The following FBXO32 variants were observed in gnomAD, a reference collection of about 807,000 sequenced individuals.
FBXO32 encodes F-box protein 32, also known as F-box only protein 32.
Under a neutral mutation model 48.3 loss-of-function variants are expected in FBXO32, and 15 were observed. That is an observed-to-expected ratio of 0.31 (90% CI 0.21 to 0.48). FBXO32 has a LOEUF of 0.48. FBXO32 is among the 20% of genes least tolerant of loss of function. The probability of loss-of-function intolerance (pLI) is 0.99; values close to 1 mark genes in which losing one functional copy is unlikely to be tolerated. For synonymous variants in FBXO32, 154 were observed against 165.9 expected (o/e 0.93, Z 0.55); for missense variants, 309 against 432.7 (o/e 0.71, Z 2.54).
intron 4 of FBXO32, among the ~76,000 whole-genome samples, chr8:123,528,841 T>C (rs146493475): frequency 6.6e-6 from 1 of 152,312 alleles, no homozygotes; most frequent in East Asian, 1.9e-4. Context: ...TTTTTTTTGT[T>C]TTTGTTTTTT....
chr8:123,500,227 G>C lies in FBXO32; in HGVS notation c.*3146C>G, dbSNP rs893280189. On this transcript the variant is annotated 3_prime_UTR_variant, in exon 9 of 9. Transcript: ENST00000517956. ...CCCAAATGCAAGGGTTTACTCTCAA[G>C]AGACTCTAGGCTCACTGCCCATAAA... 4 of 152,076 alleles carry C rather than the reference G, an allele frequency of 2.6e-5. No homozygotes were observed. The highest frequency in any genetic ancestry group is 1.3e-4 in the Admixed American group (2 of 15,264). 9.4% of individuals were successfully genotyped at this position (152,076 alleles called of 1,614,324 possible).
In FBXO32 at chr8:123,498,119, T is replaced by G. The variant is rs1485657415; in HGVS notation, c.*5254A>C. ...TCAACCCCCTCTAATACTTTTCATTTAAAAAAGTACATTAAAGCTTCTAAG... is the reference window on the plus strand; with the variant it reads ...TCAACCCCCTCTAATACTTTTCATTGAAAAAAGTACATTAAAGCTTCTAAG... On this transcript the variant is annotated 3_prime_UTR_variant, in exon 9 of 9. Transcript: ENST00000517956. The G allele has an allele frequency of 1.3e-5, 2 of 152,210 alleles. No homozygotes were observed. The highest frequency in any genetic ancestry group is 2.9e-5 in the Non-Finnish European group (2 of 68,038). 9.4% of individuals were successfully genotyped at this position (152,210 alleles called of 1,614,324 possible).
rs1367404205 is a variant in FBXO32 at position 123,514,239 on chromosome 8, C to T, written c.466+1G>A. 2 of 1,610,570 alleles carry T rather than the reference C, an allele frequency of 1.2e-6. No individual in the cohort carries two copies. Among genetic ancestry groups the T allele is most frequent in the Non-Finnish European group, 1.7e-6 (2 of 1,178,416 alleles). On this transcript the variant is annotated splice_donor_variant, in intron 5 of 8. Transcript: ENST00000517956. LOFTEE classifies it high-confidence loss of function. ...GGGCGAGAGAGTGAGAGAAGGCTCA[C>T]CTTTCAGTACCACTTTTTCCAAAAT...
chr8:123,528,858 A>G (rs1201101122), intron 4 of FBXO32, among the ~76,000 whole-genome samples: 1 of 152,128 alleles, frequency 6.6e-6, no homozygotes, highest in Non-Finnish European at 1.5e-5. Context: ...TTTTTCCCAA[A>G]TGGCCCTTAA....
At chr8:123,507,960 A>G (rs867912621) in intron 6 of FBXO32, among the ~76,000 whole-genome samples, 23 of 152,200 alleles carry the variant, frequency 1.5e-4, no homozygotes, top group African/African-American at 5.1e-4. Context: ...GGGAATCCGC[A>G]TATGTATTTG....
Position 123,513,304 on chromosome 8 carries a change from T to C in FBXO32, c.545A>G (p.Gln182Arg). The C allele has an allele frequency of 6.2e-7, 1 of 1,614,258 alleles. No individual in the cohort carries two copies. Among genetic ancestry groups the C allele is most frequent in the South Asian group, 1.1e-5 (1 of 91,090 alleles). Reference sequence around the variant, plus strand: ...GACCAGCACAGACTTGCCGACTCTTTGGACCAGTGTACATAAGGATGTGTA... The same window carrying C: ...GACCAGCACAGACTTGCCGACTCTTCGGACCAGTGTACATAAGGATGTGTA... ...TLYTSLCTLV[Q>R]RVGKSVLVGN... The change falls in exon 6 of 9, where the codon CAA becomes CGA. Residue 182 changes from glutamine (Q) to arginine (R), a missense_variant. Coordinates refer to ENST00000517956, the MANE Select transcript of FBXO32 (RefSeq NM_058229.4). The surrounding 1 kb of genome is among the most constrained non-coding windows in gnomAD (Gnocchi z 4.3).
At chr8:123,538,540 G>A (rs951941399) in intron 1 of FBXO32, among the ~76,000 whole-genome samples, 5 of 152,166 alleles carry the variant, frequency 3.3e-5, no homozygotes, top group African/African-American at 1.2e-4. Flanking sequence ...AAAACAGTGA[G>A]GATATTTGAG....
intron 4 of FBXO32, among the ~76,000 whole-genome samples, chr8:123,524,544 A>G (rs1817031765): frequency 6.6e-6 from 1 of 151,916 alleles, no homozygotes; most frequent in South Asian, 2.1e-4. Context: ...TTTTCTTTTT[A>G]TCTTTTTTTG....
intron 1 of FBXO32, among the ~76,000 whole-genome samples, chr8:123,537,477 T>A (rs1240471124): frequency 1.3e-5 from 2 of 151,990 alleles, no homozygotes; most frequent in Non-Finnish European, 2.9e-5. Flanking sequence ...AATAAGTCTG[T>A]TTTGGCAGCA....
Position 123,499,439 on chromosome 8 carries a change from T to G in FBXO32, c.*3934A>C, listed in dbSNP as rs890285286. On this transcript the variant is annotated 3_prime_UTR_variant, in exon 9 of 9. Transcript: ENST00000517956. ...TAGGCCAGCATCCAGTCAGAAGAGATAGTTCACAGACTCAGAGTTGGAAAC... is the reference window on the plus strand; with the variant it reads ...TAGGCCAGCATCCAGTCAGAAGAGAGAGTTCACAGACTCAGAGTTGGAAAC... The G allele has an allele frequency of 1.3e-5, 2 of 149,252 alleles. No homozygotes were observed. The highest frequency in any genetic ancestry group is 5.0e-5 in the African/African-American group (2 of 40,400). 9.2% of individuals were successfully genotyped at this position (149,252 alleles called of 1,614,324 possible).
intron 4 of FBXO32, among the ~76,000 whole-genome samples, chr8:123,523,173 A>G (rs1282279741): frequency 6.6e-6 from 1 of 152,178 alleles, no homozygotes; most frequent in Non-Finnish European, 1.5e-5. Context: ...TCTTGGGAGC[A>G]TCCCTCCTTG....
chr8:123,514,895 A>G (rs1816806554), intron 4 of FBXO32, among the ~76,000 whole-genome samples: 1 of 152,228 alleles, frequency 6.6e-6, no homozygotes, highest in Non-Finnish European at 1.5e-5. Flanking sequence ...CTGTAGAAAG[A>G]CGCCAATCAC....
Position 123,504,661 on chromosome 8 carries a change from T to C in FBXO32, c.921A>G (p.Lys307=), listed in dbSNP as rs202081632. 34 of 1,614,066 alleles carry C rather than the reference T, an allele frequency of 2.1e-5. No individual in the cohort carries two copies. Among genetic ancestry groups the C allele is most frequent in the Admixed American group, 1.7e-5 (1 of 59,998 alleles). The stretch of plus-strand genomic sequence containing the variant: ...GCTGAAGGGTATCTCCATACTGCTC[T>C]TTCCTTGGGTAACATCGGACAAGTT... ...YFKLVRCYPR[K]EQYGDTLQLC... is the part of the protein sequence containing the mutation. Residue 307 remains lysine (K), a synonymous_variant, in exon 8 of 9, where the codon AAA becomes AAG. Coordinates refer to ENST00000517956, the MANE Select transcript of FBXO32 (RefSeq NM_058229.4).
At chr8:123,526,346 G>A (rs1256979023) in intron 4 of FBXO32, among the ~76,000 whole-genome samples, 3 of 151,840 alleles carry the variant, frequency 2.0e-5, no homozygotes, top group Admixed American at 6.6e-5. Context: ...CTGCCTCAGC[G>A]TCCCGAGTAG....
intron 2 of FBXO32, 96 bp from the exon 3 acceptor site, chr8:123,533,336 G>C: frequency 1.9e-6 from 2 of 1,060,598 alleles, no homozygotes; most frequent in Non-Finnish European, 2.8e-6. Context: ...TAAAAGTTTT[G>C]ACAAAAAAGA....
intron 1 of FBXO32, among the ~76,000 whole-genome samples, chr8:123,539,557 G>T (rs1416564414): frequency 6.6e-6 from 1 of 152,158 alleles, no homozygotes. Context: ...TTATATGCTG[G>T]TGGTTAATAC....
chr8:123,517,345 G>A (rs1280376430), intron 4 of FBXO32, among the ~76,000 whole-genome samples: 6 of 152,198 alleles, frequency 3.9e-5, no homozygotes, highest in Admixed American at 6.5e-5. Context: ...GAGGAGAAAC[G>A]AACTGTCTTT....
intron 1 of FBXO32, among the ~76,000 whole-genome samples, chr8:123,538,629 T>C (rs1817354304): frequency 6.6e-6 from 1 of 152,040 alleles, no homozygotes; most frequent in Non-Finnish European, 1.5e-5. Context: ...AAGGGATTGT[T>C]TACAGTTGCT....
intron 6 of FBXO32, among the ~76,000 whole-genome samples, chr8:123,507,438 GGTGT>G (rs200031056): frequency 0.04 from 5,542 of 139,796 alleles, 115 homozygotes; most frequent in Non-Finnish European, 0.047. Context: ...TCTGTGCTAG[GGTGT>G]GTGTGTGTGT....
Sources: allele counts gnomAD v4.1 joint callset (sites outside exome capture counted in the v4.1 genomes callset), GRCh38; gene constraint gnomAD v4.1.1; non-coding constraint Gnocchi (gnomAD v3.1); transcripts MANE v1.5; gene names NCBI Gene and HGNC (gene_info 2026-07-23, HGNC 2026-07-21).